The following GLIS3 variants were observed in gnomAD, a reference collection of about 807,000 sequenced individuals.
GLIS3 encodes the protein GLIS family zinc finger 3.
Under a neutral mutation model 78.6 loss-of-function variants are expected in GLIS3, and 53 were observed. The observed-to-expected ratio is 0.67, with a 90% CI of 0.54 to 0.85. The LOEUF is 0.85. Among genes scored for constraint, GLIS3 ranks in the 40% least tolerant of loss-of-function variants. The pLI is 0.00. For synonymous variants in GLIS3, 684 were observed against 509.9 expected, an observed-to-expected ratio of 1.34 and a Z score of -4.60; for missense variants, 1,703 against 1,231.1, an observed-to-expected ratio of 1.38 and a Z score of -5.74.
intron 2 of GLIS3, among the ~76,000 whole-genome samples, chr9:4,160,767 G>A (rs546125378): frequency 1.1e-4 from 17 of 152,186 alleles, no homozygotes; most frequent in Non-Finnish European, 2.1e-4. Flanking sequence ...GCCAAGTTAG[G>A]GTTTCAGATA....
intron 4 of GLIS3, among the ~76,000 whole-genome samples, chr9:4,038,767 C>A (rs1452680664): frequency 1.3e-5 from 2 of 152,122 alleles, no homozygotes; most frequent in Admixed American, 6.5e-5. Flanking sequence ...ATCTGTACAG[C>A]TTCCTTAATC....
chr9:3,967,630 A>C (rs894061500), intron 4 of GLIS3, among the ~76,000 whole-genome samples: 1 of 152,226 alleles, frequency 6.6e-6, no homozygotes, highest in African/African-American at 2.4e-5. Context: ...CCTCGGTTAT[A>C]ATACATCAAT....
At chr9:4,255,100 A>C (rs577317052) in intron 2 of GLIS3, among the ~76,000 whole-genome samples, 1 of 152,240 alleles carries the variant, frequency 6.6e-6, no homozygotes, top group Non-Finnish European at 1.5e-5. Flanking sequence ...TCACATAAGC[A>C]TATGAGAAGA....
At chr9:4,401,170 G>C in the GLIS3 span, among the ~76,000 whole-genome samples, 1 of 152,204 alleles carries the variant, frequency 6.6e-6, no homozygotes, top group East Asian at 1.9e-4. Context: ...TCCTGGGGCA[G>C]TGGAGAGTCC....
At chr9:4,345,845 G>C (rs1440804673) in intron 2 of GLIS3, among the ~76,000 whole-genome samples, 1 of 152,216 alleles carries the variant, frequency 6.6e-6, no homozygotes, top group Non-Finnish European at 1.5e-5. Flanking sequence ...GTAAGGCAGG[G>C]AATGACACGT....
chr9:4,056,227 C>G (rs915534691), intron 4 of GLIS3, among the ~76,000 whole-genome samples: 1 of 152,208 alleles, frequency 6.6e-6, no homozygotes, highest in Admixed American at 6.5e-5. Flanking sequence ...AAAAGCCCTT[C>G]CAGCTCACAG....
chr9:4,479,157 C>T, the GLIS3 span, among the ~76,000 whole-genome samples: 1 of 152,172 alleles, frequency 6.6e-6, no homozygotes, highest in Non-Finnish European at 1.5e-5. Flanking sequence ...AACTACTGGG[C>T]TTGAGCAGTC....
At chr9:4,260,583 G>T (rs1272049136) in intron 2 of GLIS3, among the ~76,000 whole-genome samples, 1 of 124,758 alleles carries the variant, frequency 8.0e-6, no homozygotes, top group African/African-American at 3.0e-5. Context: ...AAAAAAAAAA[G>T]ATAAATACAA....
At chr9:4,405,358 AAAAAAAGAAAAAGAAAAAG>A in the GLIS3 span, among the ~76,000 whole-genome samples, 3 of 151,870 alleles carry the variant, frequency 2.0e-5, no homozygotes, top group Non-Finnish European at 4.4e-5. Flanking sequence ...CCATCTTAAA[AAAAAAAGAAAAAGAAAAAG>A]AAAAAAGAAA....
the GLIS3 span, among the ~76,000 whole-genome samples, chr9:4,465,519 G>A: frequency 5.3e-4 from 81 of 152,046 alleles, no homozygotes; most frequent in Admixed American, 2.8e-3. Flanking sequence ...ATTGCACTCC[G>A]GCCTGGGCGA....
intron 2 of GLIS3, among the ~76,000 whole-genome samples, chr9:4,330,161 C>G (rs1349585029): frequency 6.6e-6 from 1 of 152,128 alleles, no homozygotes; most frequent in African/African-American, 2.4e-5. Context: ...GTTTTGAAAG[C>G]CAAATCATTT....
chr9:4,050,435 C>G (rs1019321661), intron 4 of GLIS3, among the ~76,000 whole-genome samples: 3 of 151,904 alleles, frequency 2.0e-5, no homozygotes, highest in Non-Finnish European at 4.4e-5. Context: ...CATCACACAC[C>G]AGGGCCTGTT....
chr9:4,292,864 G>T (rs1031310901), intron 1 of GLIS3, among the ~76,000 whole-genome samples: 1 of 152,124 alleles, frequency 6.6e-6, no homozygotes, highest in Non-Finnish European at 1.5e-5. Context: ...TTCTTAATAT[G>T]AGTTAGCCAT....
intron 2 of GLIS3, among the ~76,000 whole-genome samples, chr9:4,165,269 C>A (rs1365740017): frequency 2.0e-5 from 3 of 151,582 alleles, no homozygotes; most frequent in Non-Finnish European, 3.0e-5. Flanking sequence ...GGTGAAACCC[C>A]ATCTCTCCTA....
chr9:4,256,623 T>A (rs1824966675), intron 2 of GLIS3, among the ~76,000 whole-genome samples: 1 of 152,156 alleles, frequency 6.6e-6, no homozygotes, highest in Non-Finnish European at 1.5e-5. Flanking sequence ...TCCTAGATCA[T>A]CATCAGAGAG....
the GLIS3 span, among the ~76,000 whole-genome samples, chr9:4,360,355 C>G: frequency 1.3e-5 from 2 of 152,120 alleles, no homozygotes; most frequent in African/African-American, 4.8e-5. Flanking sequence ...AGACTGAAAC[C>G]CTCCCAGCCA....
At chr9:4,217,433 C>A (rs928780895) in intron 2 of GLIS3, among the ~76,000 whole-genome samples, 13 of 152,162 alleles carry the variant, frequency 8.5e-5, no homozygotes, top group African/African-American at 3.1e-4. Context: ...TCTTTCCAAG[C>A]GGGGACATCA....
intron 2 of GLIS3, among the ~76,000 whole-genome samples, chr9:4,320,486 T>C (rs950612723): frequency 3.3e-5 from 5 of 152,140 alleles, no homozygotes; most frequent in African/African-American, 1.2e-4. Flanking sequence ...CACCTTTCTC[T>C]CTGTCAATAC....
At chr9:4,234,838 T>C (rs1268490221) in intron 2 of GLIS3, among the ~76,000 whole-genome samples, 1 of 152,196 alleles carries the variant, frequency 6.6e-6, no homozygotes, top group African/African-American at 2.4e-5. Flanking sequence ...ATGCAACTAT[T>C]TCAGAAAATA....
Sources: gnomAD v4.1 joint callset for allele counts (sites outside exome capture counted in the v4.1 genomes callset) on GRCh38, gnomAD v4.1.1 for gene constraint, MANE v1.5 for transcripts, NCBI Gene and HGNC (gene_info 2026-07-23, HGNC 2026-07-21) for gene names.